The following SH3KBP1 variants were observed in gnomAD, a reference collection of about 807,000 sequenced individuals.
The protein encoded by SH3KBP1 is SH3 domain-containing kinase-binding protein 1.
A neutral mutation model predicts 50.1 loss-of-function variants in SH3KBP1; 8 were observed. The observed-to-expected ratio is 0.16, with a 90% confidence interval of 0.09 to 0.29. The LOEUF (loss-of-function observed/expected upper bound fraction) is 0.29. SH3KBP1 is among the 10% of genes least tolerant of loss of function. The pLI is 1.00. For synonymous variants in SH3KBP1, 227 were observed against 218.6 expected, an observed-to-expected ratio of 1.04 and a Z score of -0.34; for missense variants, 377 against 535.2, an observed-to-expected ratio of 0.70 and a Z score of 2.92.
At chrX:19,542,793 C>T (rs955918760) in intron 15 of SH3KBP1, among the ~76,000 whole-genome samples, 4 of 111,663 alleles carry the variant, frequency 3.6e-5, no homozygotes, top group African/African-American at 9.8e-5. Flanking sequence ...GTCTAGAGAC[C>T]GCAGAGCAAA....
chrX:19,748,324 T>C (rs1366071688), intron 2 of SH3KBP1, among the ~76,000 whole-genome samples: 1 of 110,688 alleles, frequency 9.0e-6, no homozygotes, highest in African/African-American at 3.3e-5. Flanking sequence ...CGGGGAAGGG[T>C]GGGAGAAGCA....
At chrX:19,635,483 C>CACACATAT (rs951038832) in intron 7 of SH3KBP1, among the ~76,000 whole-genome samples, 1 of 108,463 alleles carries the variant, frequency 9.2e-6, no homozygotes, top group Non-Finnish European at 1.9e-5. Flanking sequence ...ACCACCATGG[C>CACACATAT]ACACATATAC....
chrX:19,812,258 C>A (rs1022344891), intron 2 of SH3KBP1, among the ~76,000 whole-genome samples: 2 of 111,298 alleles, frequency 1.8e-5, no homozygotes, highest in Non-Finnish European at 1.9e-5. Context: ...ACTTCATACA[C>A]CTCATTCCAC....
chrX:19,786,890 T>C (rs1481018863), intron 2 of SH3KBP1, among the ~76,000 whole-genome samples: 1 of 112,320 alleles, frequency 8.9e-6, no homozygotes, highest in Admixed American at 9.5e-5. Context: ...TATTCTACTA[T>C]ATGGATGTAC....
At chrX:19,854,890 T>C (rs2068604054) in intron 1 of SH3KBP1, among the ~76,000 whole-genome samples, 2 of 112,152 alleles carry the variant, frequency 1.8e-5, no homozygotes, top group Non-Finnish European at 1.9e-5. Context: ...TTACTAACTA[T>C]AGCGTTCACT....
intron 6 of SH3KBP1, among the ~76,000 whole-genome samples, chrX:19,645,990 T>C (rs16981251): frequency 0.25 from 27,691 of 110,144 alleles, 3,032 homozygotes; most frequent in African/African-American, 0.41. Flanking sequence ...GTGTACCCTA[T>C]TGCATCTCTG....
At chrX:19,666,124 T>A (rs868836385) in intron 6 of SH3KBP1, among the ~76,000 whole-genome samples, 2 of 92,986 alleles carry the variant, frequency 2.2e-5, no homozygotes, top group Non-Finnish European at 4.2e-5. Flanking sequence ...AAATAATTTG[T>A]AAAAAAAAAA....
intron 2 of SH3KBP1, among the ~76,000 whole-genome samples, chrX:19,781,655 A>T (rs1017561612): frequency 1.8e-5 from 2 of 109,780 alleles, no homozygotes; most frequent in African/African-American, 6.6e-5. Context: ...CATCCAGAAA[A>T]GGCAGATCTA....
intron 6 of SH3KBP1, among the ~76,000 whole-genome samples, chrX:19,654,709 G>GT (rs1256788303): frequency 8.9e-6 from 1 of 112,180 alleles, no homozygotes; most frequent in Non-Finnish European, 1.9e-5. Context: ...TAGAGGATTA[G>GT]TTTTTTATCT....
In SH3KBP1 at chrX:19,785,338, T is replaced by C. The variant is rs748874644; in HGVS notation, c.163-38897A>G. 4.8e-5 allele frequency among the ~76,000 whole-genome samples: 5 copies of C among 104,122 alleles called. No homozygotes were observed. In the South Asian group the frequency reaches 2.2e-3, roughly 45 times the overall value. The allele number at this position is 104,122 out of a possible 115,157, so 90.4% of individuals were successfully genotyped here. ...TTGGAGACCAACCTAGGCAACATGG[T>C]GAAACCCGGTCTCTACAAAAAATAC... On this transcript the variant is annotated intron_variant, in intron 2 of 17. Transcript: ENST00000397821.
chrX:19,744,994 C>A (rs191647924), intron 3 of SH3KBP1, among the ~76,000 whole-genome samples: 3 of 112,361 alleles, frequency 2.7e-5, no homozygotes, highest in Non-Finnish European at 5.6e-5. Context: ...GCCGTGCCCG[C>A]GGACCCAAGA....
chrX:19,852,636 GAAAAAAAAA>G (rs760707711), intron 1 of SH3KBP1, among the ~76,000 whole-genome samples: 1 of 51,952 alleles, frequency 1.9e-5, no homozygotes, highest in Non-Finnish European at 3.8e-5. Context: ...TAGCTGCACA[GAAAAAAAAA>G]AAAAAAAAAA....
At position 19,856,951 on chromosome X, in the gene SH3KBP1, C is replaced by CTTTTTTT. The variant is rs758486199; in HGVS notation, c.5-20676_5-20670dup. ...CTTTTCCCCTAGAGCTAATACTAGT[C>CTTTTTTT]TTTTTTTTTTTTTTTTTTTTTTTTT... On this transcript the variant is annotated intron_variant, in intron 1 of 17. Transcript: ENST00000397821. Among the ~76,000 whole-genome samples the CTTTTTTT allele has an allele frequency of 0.029, 585 of 20,067 alleles. 189 individuals are homozygous for CTTTTTTT. The Middle Eastern group carries it at 0.33, about 11-fold the overall frequency. The allele number at this position is 20,067 out of a possible 115,157, so 17.4% of individuals were successfully genotyped here.
At chrX:19,633,077 A>T (rs2061614854) in intron 7 of SH3KBP1, among the ~76,000 whole-genome samples, 1 of 111,889 alleles carries the variant, frequency 8.9e-6, no homozygotes, top group Non-Finnish European at 1.9e-5. Flanking sequence ...TAACATCCCA[A>T]CAACCAGAGA....
intron 6 of SH3KBP1, among the ~76,000 whole-genome samples, chrX:19,679,728 T>C (rs2063003632): frequency 8.9e-6 from 1 of 111,870 alleles, no homozygotes; most frequent in Admixed American, 9.4e-5. Flanking sequence ...TCATGATCAA[T>C]GTCTCCTCTA....
rs181024520 is a variant in SH3KBP1 at position 19,635,199 on chromosome X, G to A, written c.803-3241C>T. ...GAAAATAAAAATATTTCTGGATAAAGAAAATGTGGTACATATACACCATGG... is the reference window on the plus strand; with the variant it reads ...GAAAATAAAAATATTTCTGGATAAAAAAAATGTGGTACATATACACCATGG... On this transcript the variant is annotated intron_variant, in intron 7 of 17. Coordinates refer to ENST00000397821, the MANE Select transcript of SH3KBP1 (RefSeq NM_031892.3). 2.2e-3 allele frequency among the ~76,000 whole-genome samples: 252 copies of A among 112,192 alleles called. 1 individual carries two copies. The highest frequency in any genetic ancestry group is 7.9e-3 in the African/African-American group (245 of 30,887).
chrX:19,651,273 G>A (rs987743644), intron 6 of SH3KBP1, among the ~76,000 whole-genome samples: 2 of 110,628 alleles, frequency 1.8e-5, no homozygotes, highest in Non-Finnish European at 3.8e-5. Context: ...ATTAGAAACT[G>A]TCATCTCATC....
chrX:19,632,836 T>C (rs1359270880), intron 7 of SH3KBP1, among the ~76,000 whole-genome samples: 2 of 111,937 alleles, frequency 1.8e-5, no homozygotes, highest in Non-Finnish European at 3.8e-5. Context: ...GGACAGAAGG[T>C]GGACAGAAAA....
intron 9 of SH3KBP1, among the ~76,000 whole-genome samples, chrX:19,598,228 T>TA (rs2066966200): frequency 1.0e-5 from 1 of 99,156 alleles, no homozygotes; most frequent in African/African-American, 3.9e-5. Context: ...AGCAAGTCTG[T>TA]TTTTATTTAT....
Sources: gnomAD v4.1 joint callset for allele counts (sites outside exome capture counted in the v4.1 genomes callset) on GRCh38, gnomAD v4.1.1 for gene constraint, MANE v1.5 for transcripts, NCBI Gene and HGNC (gene_info 2026-07-23, HGNC 2026-07-21) for gene names.